Variants in SPIRE1 observed in about 807,000 individuals in gnomAD.
SPIRE1 encodes protein spire homolog 1.
Under a neutral mutation model 94.1 loss-of-function variants are expected in SPIRE1, and 40 were observed. The ratio of observed to expected loss-of-function variants is 0.43; its 90% CI spans 0.33 to 0.55. SPIRE1 has a LOEUF of 0.55. Ranked by LOEUF, SPIRE1 falls within the 20% of genes least tolerant of loss-of-function variation. The pLI, the probability that SPIRE1 is intolerant of heterozygous loss-of-function variation, is 0.06. For synonymous variants in SPIRE1, 376 were observed against 371.7 expected (o/e 1.01, Z -0.13); for missense variants, 838 against 975.2 (o/e 0.86, Z 1.87).
intron 4 of SPIRE1, among the ~76,000 whole-genome samples, chr18:12,517,217 C>A (rs1158190414): frequency 6.6e-6 from 1 of 152,156 alleles, no homozygotes; most frequent in Non-Finnish European, 1.5e-5. Context: ...GTTATTATGT[C>A]AATGAATACC....
chr18:12,503,266 T>C (rs2033724226), intron 6 of SPIRE1, among the ~76,000 whole-genome samples: 1 of 152,184 alleles, frequency 6.6e-6, no homozygotes, highest in East Asian at 1.9e-4. Flanking sequence ...TTCTCTCTTT[T>C]ACTTTAATAA....
rs558968043 is a variant in SPIRE1, at chr18:12,476,541, CAAAAAAA to C, written c.1404+3151_1404+3157del. Among the ~76,000 whole-genome samples the C allele has an allele frequency of 9.1e-3, 424 of 46,754 alleles. 3 individuals are homozygous for C. Among genetic ancestry groups the C allele is most frequent in the African/African-American group, 0.019 (401 of 21,370 alleles). The allele number at this position is 46,754 out of a possible 152,430, so 30.7% of individuals were successfully genotyped here. On this transcript the variant is annotated intron_variant, in intron 10 of 16. Transcript: ENST00000409402. Reference sequence around the variant, plus strand: ...GGCTGGCAGAGCGAGACTCTGTCTCCAAAAAAAAAAAAAAAAAAAAAAAATATATATA... The same window carrying C: ...GGCTGGCAGAGCGAGACTCTGTCTCCAAAAAAAAAAAAAAAAATATATATA...
chr18:12,516,953 G>T (rs1652785344), intron 4 of SPIRE1, among the ~76,000 whole-genome samples: 1 of 152,150 alleles, frequency 6.6e-6, no homozygotes, highest in Non-Finnish European at 1.5e-5. Flanking sequence ...TAACATTGAA[G>T]ACAATTGAAA....
chr18:12,569,453 G>T (rs971405091), intron 2 of SPIRE1, among the ~76,000 whole-genome samples: 2 of 151,866 alleles, frequency 1.3e-5, no homozygotes, highest in East Asian at 1.9e-4. Context: ...CTAATATTTT[G>T]CCAGAAAAGC....
intron 12 of SPIRE1, among the ~76,000 whole-genome samples, chr18:12,454,782 A>G (rs1212569332): frequency 2.6e-5 from 4 of 152,208 alleles, no homozygotes; most frequent in Non-Finnish European, 4.4e-5. Flanking sequence ...AAGCAGGGCT[A>G]TATTGAAATA....
chr18:12,493,305 C>T, intron 7 of SPIRE1, 104 bp from the exon 8 acceptor site: 2 of 1,044,828 alleles, frequency 1.9e-6, no homozygotes, highest in Non-Finnish European at 2.7e-6. Flanking sequence ...TTGACTGGAA[C>T]ACTGCTTGAT....
At chr18:12,510,741 T>C (rs1383803958) in intron 5 of SPIRE1, among the ~76,000 whole-genome samples, 1 of 152,018 alleles carries the variant, frequency 6.6e-6, no homozygotes, top group Non-Finnish European at 1.5e-5. Flanking sequence ...TAGCTGGCCA[T>C]GTTGGCCAGG....
At chr18:12,461,337 G>A (rs886998055) in intron 12 of SPIRE1, among the ~76,000 whole-genome samples, 1 of 152,026 alleles carries the variant, frequency 6.6e-6, no homozygotes, top group African/African-American at 2.4e-5. Context: ...TCTAGGAAAA[G>A]CTGAGTGAAG....
At chr18:12,515,214 CT>C (rs905520628) in intron 4 of SPIRE1, among the ~76,000 whole-genome samples, 15 of 149,154 alleles carry the variant, frequency 1.0e-4, no homozygotes, top group Admixed American at 5.4e-4. Context: ...ATACTTTTTT[CT>C]TTTTTTTTTA....
chr18:12,626,886 A>AAATT (rs2037643473), intron 2 of SPIRE1, among the ~76,000 whole-genome samples: 1 of 111,894 alleles, frequency 8.9e-6, no homozygotes, highest in Non-Finnish European at 1.9e-5. Flanking sequence ...ATATATATAT[A>AAATT]TTTTTTTTTT....
At chr18:12,652,666 G>A (rs1368699949) in intron 1 of SPIRE1, among the ~76,000 whole-genome samples, 1 of 151,906 alleles carries the variant, frequency 6.6e-6, no homozygotes, top group African/African-American at 2.4e-5. Flanking sequence ...TTACCTGAAT[G>A]CTAAATAAAC....
intron 2 of SPIRE1, among the ~76,000 whole-genome samples, chr18:12,560,130 G>A (rs986069741): frequency 5.3e-5 from 8 of 152,184 alleles, no homozygotes; most frequent in African/African-American, 1.9e-4. Context: ...CTTGTACACT[G>A]CTGGTGGGAA....
chr18:12,581,648 G>C (rs2036260223), intron 2 of SPIRE1, among the ~76,000 whole-genome samples: 1 of 152,178 alleles, frequency 6.6e-6, no homozygotes, highest in South Asian at 2.1e-4. Context: ...CGGATGACCT[G>C]AGGTCAGGAA....
chr18:12,558,544 C>T (rs751251015), intron 2 of SPIRE1, among the ~76,000 whole-genome samples: 7 of 152,212 alleles, frequency 4.6e-5, no homozygotes, highest in Non-Finnish European at 1.5e-5. Flanking sequence ...TCACATCCTG[C>T]TGATTGGTCC....
At chr18:12,564,819 T>C (rs1236356543) in intron 2 of SPIRE1, among the ~76,000 whole-genome samples, 1 of 152,176 alleles carries the variant, frequency 6.6e-6, no homozygotes, top group Admixed American at 6.5e-5. Context: ...CACTTGTGTA[T>C]GTTTTACCGA....
chr18:12,455,481 C>G (rs995085138), intron 12 of SPIRE1, among the ~76,000 whole-genome samples: 5 of 152,102 alleles, frequency 3.3e-5, no homozygotes, highest in African/African-American at 1.2e-4. Flanking sequence ...AATGTATAGT[C>G]AGCAATGGAA....
intron 2 of SPIRE1, among the ~76,000 whole-genome samples, chr18:12,569,733 T>C (rs2035918623): frequency 6.6e-6 from 1 of 152,050 alleles, no homozygotes; most frequent in Non-Finnish European, 1.5e-5. Flanking sequence ...TCATGTCCTA[T>C]CACAGTAGCA....
rs571260053 is a variant in SPIRE1, at chr18:12,606,155, C to T, written c.372+28907G>A. Among the ~76,000 whole-genome samples the T allele has an allele frequency of 8.5e-5, 13 of 152,194 alleles. 1 individual carries two copies. The South Asian group carries it at 1.9e-3, about 22-fold the overall frequency. On this transcript the variant is annotated intron_variant, in intron 2 of 16. Coordinates refer to ENST00000409402, the MANE Select transcript of SPIRE1 (RefSeq NM_001128626.2). Reference sequence around the variant, plus strand: ...CAATTATACTCTATCCCTTGCCCCCCCTTTATTTTTCTTCATAGCACTTAA... The same window carrying T: ...CAATTATACTCTATCCCTTGCCCCCTCTTTATTTTTCTTCATAGCACTTAA...
At chr18:12,552,856 C>A (rs538347204) in intron 2 of SPIRE1, among the ~76,000 whole-genome samples, 66 of 152,220 alleles carry the variant, frequency 4.3e-4, no homozygotes, top group Middle Eastern at 6.8e-3. Flanking sequence ...CCCCTTCCTT[C>A]TTTAACTCGG....
Sources: allele counts gnomAD v4.1 joint callset (sites outside exome capture counted in the v4.1 genomes callset), GRCh38; gene constraint gnomAD v4.1.1; transcripts MANE v1.5; gene names NCBI Gene and HGNC (gene_info 2026-07-23, HGNC 2026-07-21).